ZNF7: variants seen among roughly 807,000 people sequenced by gnomAD.
ZNF7 encodes C2-H2 type zinc finger protein.
A neutral mutation model predicts 12.0 loss-of-function variants in ZNF7; 10 were observed. The ratio of observed to expected loss-of-function variants is 0.83; its 90% CI spans 0.51 to 1.42. The LOEUF (loss-of-function observed/expected upper bound fraction) is 1.42, where lower values mean the gene tolerates loss of function less well. Ranked by LOEUF, ZNF7 falls within the 40% of genes most tolerant of loss-of-function variation. ZNF7 has a pLI of 0.00. For synonymous variants in ZNF7, 334 were observed against 295.0 expected (o/e 1.13, Z -1.35); for missense variants, 854 against 837.2 (o/e 1.02, Z -0.25).
At chr8:144,840,405 G>A (rs1829727684) in intron 4 of ZNF7, among the ~76,000 whole-genome samples, 1 of 152,236 alleles carries the variant, frequency 6.6e-6, no homozygotes. Flanking sequence ...CTGTAACTGG[G>A]CTGTGCATTC....
chr8:144,832,423 C>CA (rs36076579), intron 3 of ZNF7, among the ~76,000 whole-genome samples: 3,809 of 36,114 alleles, frequency 0.11, 1,157 homozygotes, highest in Middle Eastern at 0.33. Context: ...ACTCTATCTC[C>CA]AAAAAAAAAA....
chr8:144,841,829 C>T lies in ZNF7; in HGVS notation c.722C>T (p.Thr241Ile). Reference protein sequence around the residue: ...KLSDCLQGKHTNNCHGEKPYE... With the variant: ...KLSDCLQGKHINNCHGEKPYE... The stretch of plus-strand genomic sequence containing the variant: ...TCTGACTGCTTGCAGGGGAAACATA[C>T]AAATAACTGCCATGGAGAGAAGCCG... The change falls in exon 5 of 5, where the codon ACA (threonine) becomes ATA (isoleucine). Residue 241 changes from threonine (T) to isoleucine (I), a missense_variant. Coordinates refer to ENST00000532777, the MANE Select transcript of ZNF7 (RefSeq NM_003416.4). The T allele has an allele frequency of 6.2e-7, 1 of 1,614,160 alleles. No homozygotes were observed. Among genetic ancestry groups the T allele is most frequent in the South Asian group, 1.1e-5 (1 of 91,084 alleles).
At chr8:144,844,506 G>T (rs2953889), downstream of ZNF7, among the ~76,000 whole-genome samples, 27 of 151,578 alleles carry the variant, frequency 1.8e-4, no homozygotes, top group African/African-American at 3.9e-4. Flanking sequence ...GTCAGGAGAT[G>T]AAGACCATCC....
At chr8:144,846,311 CA>C, downstream of ZNF7, 1 of 858,316 alleles carries the variant, frequency 1.2e-6, no homozygotes. Context: ...GGTCCTAAGT[CA>C]GGGGCTGGCA....
chr8:144,829,215 C>T, intron 2 of ZNF7, 125 bp downstream of exon 2: 1 of 1,568,690 alleles, frequency 6.4e-7, no homozygotes, highest in Non-Finnish European at 8.6e-7. Flanking sequence ...CCCCCTTGCC[C>T]CCAACCCCAA....
At chr8:144,828,723 C>T (rs867648125) in intron 1 of ZNF7, 30 of 345,466 alleles carry the variant, frequency 8.7e-5, no homozygotes, top group African/African-American at 5.1e-4. Context: ...CTCTTTCCTC[C>T]GCCAGACTGC....
chr8:144,844,257 G>T (rs1586850020), downstream of ZNF7, among the ~76,000 whole-genome samples: 2 of 152,276 alleles, frequency 1.3e-5, no homozygotes, highest in East Asian at 3.9e-4. Context: ...GAGCACTCAA[G>T]CAAATGCAAG....
chr8:144,843,830 A>T (rs1421756929), downstream of ZNF7: 1 of 152,190 alleles, frequency 6.6e-6, no homozygotes, highest in Admixed American at 6.5e-5. Flanking sequence ...TCAGTGGCTC[A>T]CACTGGCTTC....
downstream of ZNF7, among the ~76,000 whole-genome samples, chr8:144,845,737 C>T (rs1355206901): frequency 6.6e-6 from 1 of 152,182 alleles, no homozygotes; most frequent in Non-Finnish European, 1.5e-5. Context: ...TCAGGGGCTC[C>T]TCCCGGTGTA....
At chr8:144,839,839 C>T (rs1196558256) in intron 4 of ZNF7, among the ~76,000 whole-genome samples, 1 of 152,218 alleles carries the variant, frequency 6.6e-6, no homozygotes, top group Non-Finnish European at 1.5e-5. Context: ...CTGTGCACCC[C>T]CACGCTTTTG....
At position 144,832,619 on chromosome 8, in the gene ZNF7, T is replaced by A. The variant is rs1247661499; in HGVS notation, c.130+3015T>A. Among the ~76,000 whole-genome samples, 10 of 152,040 alleles carry A rather than the reference T, an allele frequency of 6.6e-5. No homozygotes were observed. In the South Asian group the frequency reaches 1.9e-3, roughly 28 times the overall value. ...GGCGGGTGGTTGTAATCTTGGCTTC[T>A]CAGGAGGCTGAGGCAGGAGAATTCC... is the stretch of plus-strand genomic sequence containing the variant. On this transcript the variant is annotated intron_variant, in intron 3 of 4. Transcript: ENST00000532777.
chr8:144,844,274 C>T (rs1023464210), downstream of ZNF7, among the ~76,000 whole-genome samples: 11 of 151,826 alleles, frequency 7.2e-5, no homozygotes, highest in African/African-American at 2.2e-4. Context: ...CAAGTACCAA[C>T]CCCCCCATCC....
At chr8:144,838,243 C>T in intron 4 of ZNF7, 1 of 662,090 alleles carries the variant, frequency 1.5e-6, no homozygotes, top group Admixed American at 2.1e-5. Flanking sequence ...GGACACCAGT[C>T]ATGGTGGGTT....
At position 144,841,950 on chromosome 8, in the gene ZNF7, T is replaced by G; in HGVS notation, c.843T>G (p.Thr281=). Residue 281 remains threonine, a synonymous_variant, in exon 5 of 5, where the codon ACT becomes ACG. Coordinates refer to ENST00000532777, the MANE Select transcript of ZNF7 (RefSeq NM_003416.4). ...CGGGAGAGAAACCCTTTAAATGCAC[T>G]GAGTGTGGAAAAGCCTTCCGCCTGA... is the stretch of plus-strand genomic sequence containing the variant. ...IHTGEKPFKC[T]ECGKAFRLSS... 6.2e-7 allele frequency: 1 copy of G among 1,614,112 alleles called. No homozygotes were observed.
In ZNF7 at chr8:144,833,530, C is replaced by T. The variant is rs544708634; in HGVS notation, c.131-3861C>T. ...ATTACAGCTACTCAGGCATGTGCCA[C>T]CACACCCGGCCAATTTTTTGTATTT... On this transcript the variant is annotated intron_variant, in intron 3 of 4. Transcript: ENST00000532777. Among the ~76,000 whole-genome samples, 28 of 151,976 alleles carry T rather than the reference C, an allele frequency of 1.8e-4. No individual in the cohort carries two copies. In the South Asian group the frequency reaches 4.4e-3, roughly 24 times the overall value.
rs750642142 is a variant in ZNF7 at position 144,841,984 on chromosome 8, C to G, written c.877C>G (p.Leu293Val). The G allele has an allele frequency of 1.2e-6, 2 of 1,614,188 alleles. No individual in the cohort carries two copies. The highest frequency in any genetic ancestry group is 8.5e-7 in the Non-Finnish European group (1 of 1,180,034). The change falls in exon 5 of 5, where the codon CTT (leucine) becomes GTT (valine). Residue 293 changes from leucine (L) to valine (V), a missense_variant. Coordinates refer to ENST00000532777, the MANE Select transcript of ZNF7 (RefSeq NM_003416.4). ...CGKAFRLSSK[L>V]IQHQRIHTGE... The stretch of plus-strand genomic sequence containing the variant: ...AAAAGCCTTCCGCCTGAGCTCAAAA[C>G]TTATTCAGCATCAAAGAATCCACAC...
rs1292775604 is a variant in ZNF7, at chr8:144,842,216, C to T, written c.1109C>T (p.Ala370Val). The T allele has an allele frequency of 6.2e-7, 1 of 1,614,072 alleles. No homozygotes were observed. The highest frequency in any genetic ancestry group is 2.2e-5 in the East Asian group (1 of 44,874). ...TACCCTTGCAAGGAGTGTGGGAAGG[C>T]CTTCAGCCAGAGCTCCACCCTAGCC... ...RPYPCKECGK[A>V]FSQSSTLAQH... The change falls in exon 5 of 5, where the codon GCC becomes GTC. Residue 370 changes from alanine to valine, a missense_variant. Physicochemically the swap from Ala to Val is moderately conservative, Grantham distance 64. Coordinates refer to ENST00000532777, the MANE Select transcript of ZNF7 (RefSeq NM_003416.4).
At position 144,829,062 on chromosome 8, in the gene ZNF7, T is replaced by G; in HGVS notation, c.-26T>G. Reference sequence around the variant, plus strand: ...CAACAGGTCTCTCGGCCAGAACACGTGGATGCCCACCCACCACTGAGCCTC... The same window carrying G: ...CAACAGGTCTCTCGGCCAGAACACGGGGATGCCCACCCACCACTGAGCCTC... On this transcript the variant is annotated 5_prime_UTR_variant, in exon 2 of 5. Transcript: ENST00000532777. The G allele has an allele frequency of 6.2e-7, 1 of 1,614,024 alleles. No individual in the cohort carries two copies. Among genetic ancestry groups the G allele is most frequent in the Non-Finnish European group, 8.5e-7 (1 of 1,179,942 alleles).
At chr8:144,833,174 G>C (rs1170587962) in intron 3 of ZNF7, among the ~76,000 whole-genome samples, 7 of 147,940 alleles carry the variant, frequency 4.7e-5, no homozygotes, top group Non-Finnish European at 8.9e-5. Flanking sequence ...CTTCAGTCTG[G>C]GCAATAAGCG....
Sources: allele counts gnomAD v4.1 joint callset (sites outside exome capture counted in the v4.1 genomes callset), GRCh38; gene constraint gnomAD v4.1.1; transcripts MANE v1.5; gene names NCBI Gene and HGNC (gene_info 2026-07-23, HGNC 2026-07-21).